GRM7: variants seen among roughly 807,000 people sequenced by gnomAD.
The protein encoded by GRM7 is glutamate metabotropic receptor 7, also known as metabotropic glutamate receptor 7.
GRM7 carries 35 observed loss-of-function variants against 84.5 expected under a neutral mutation model. The ratio of observed to expected loss-of-function variants is 0.41; its 90% CI spans 0.32 to 0.55. The LOEUF is 0.55. GRM7 is among the 20% of genes least tolerant of loss of function. The pLI, the probability that GRM7 is intolerant of heterozygous loss-of-function variation, is 0.19. For missense variants in GRM7, 1,003 were observed against 1,194.6 expected (o/e 0.84, Z 2.36); for synonymous variants, 487 against 455.1 (o/e 1.07, Z -0.89).
At chr3:6,997,555 A>T (rs901462586) in intron 1 of GRM7, among the ~76,000 whole-genome samples, 3 of 152,176 alleles carry the variant, frequency 2.0e-5, no homozygotes, top group African/African-American at 7.2e-5. Context: ...CATGGAGGTA[A>T]CTGCCCCCAT....
At chr3:7,196,981 T>C (rs1353888062) in intron 2 of GRM7, among the ~76,000 whole-genome samples, 1 of 152,250 alleles carries the variant, frequency 6.6e-6, no homozygotes, top group African/African-American at 2.4e-5. Flanking sequence ...TGAAACACTT[T>C]AATAGATGGT....
intron 2 of GRM7, among the ~76,000 whole-genome samples, chr3:7,225,881 T>A (rs1431752412): frequency 6.6e-6 from 1 of 152,128 alleles, no homozygotes; most frequent in East Asian, 1.9e-4. Flanking sequence ...CCACTTATAA[T>A]GACTTTTGAT....
At chr3:7,291,895 A>G (rs1699642797) in intron 2 of GRM7, among the ~76,000 whole-genome samples, 1 of 152,182 alleles carries the variant, frequency 6.6e-6, no homozygotes, top group Admixed American at 6.5e-5. Flanking sequence ...TAACTGAATC[A>G]TGGGGGCAGT....
intron 1 of GRM7, among the ~76,000 whole-genome samples, chr3:6,901,381 T>C (rs1243170594): frequency 6.6e-6 from 1 of 150,824 alleles, no homozygotes; most frequent in Non-Finnish European, 1.5e-5. Context: ...GGGTGGATCA[T>C]GAGGTCAAGA....
chr3:6,870,511 G>A (rs185877594), intron 1 of GRM7, among the ~76,000 whole-genome samples: 1 of 152,284 alleles, frequency 6.6e-6, no homozygotes, highest in African/African-American at 2.4e-5. Flanking sequence ...GCCATCGCAG[G>A]CATTTTGTCA....
intron 2 of GRM7, among the ~76,000 whole-genome samples, chr3:7,195,586 AGT>A (rs1011806726): frequency 6.6e-6 from 1 of 152,138 alleles, no homozygotes; most frequent in African/African-American, 2.4e-5. Flanking sequence ...TGGCTTCAAA[AGT>A]GTTTTATTTT....
At chr3:7,021,625 T>C (rs1010697793) in intron 1 of GRM7, among the ~76,000 whole-genome samples, 3 of 152,232 alleles carry the variant, frequency 2.0e-5, no homozygotes, top group African/African-American at 7.2e-5. Flanking sequence ...AGAGCAAACC[T>C]TGCCTTAAAC....
chr3:7,698,127 G>C (rs748793578), intron 9 of GRM7, among the ~76,000 whole-genome samples: 2 of 152,172 alleles, frequency 1.3e-5, no homozygotes, highest in Non-Finnish European at 2.9e-5. Context: ...CTCTTTGCCA[G>C]GCATTATACA....
chr3:7,434,996 T>C lies in GRM7; in HGVS notation c.1175-17611T>C, dbSNP rs1196440466. 2.0e-5 allele frequency among the ~76,000 whole-genome samples: 3 copies of C among 152,096 alleles called. No individual in the cohort carries two copies. In the East Asian group the frequency reaches 5.8e-4, roughly 29 times the overall value. On this transcript the variant is annotated intron_variant, in intron 5 of 9. Coordinates refer to ENST00000357716, the MANE Select transcript of GRM7 (RefSeq NM_000844.4). ...TTAACATATACAAGGACATTCAGAG[T>C]ATATATTAGTTCTTAAGTGAGCTTT...
intron 3 of GRM7, among the ~76,000 whole-genome samples, chr3:7,300,155 C>G (rs1383881623): frequency 6.6e-6 from 1 of 152,096 alleles, no homozygotes; most frequent in Non-Finnish European, 1.5e-5. Context: ...AAATCTTTGT[C>G]TATCTTATAG....
intron 4 of GRM7, among the ~76,000 whole-genome samples, chr3:7,370,513 C>T (rs80223453): frequency 9.2e-5 from 14 of 152,262 alleles, no homozygotes; most frequent in African/African-American, 3.4e-4. Context: ...GAGTCCTCCA[C>T]AGCCATGCGG....
At chr3:7,535,358 A>G (rs1447697424) in intron 7 of GRM7, 2 of 152,236 alleles carry the variant, frequency 1.3e-5, no homozygotes, top group African/African-American at 4.8e-5. Context: ...AATAATGAAC[A>G]TTAGGAAGAT....
chr3:6,945,895 C>A (rs1575049120), intron 1 of GRM7, among the ~76,000 whole-genome samples: 1 of 152,222 alleles, frequency 6.6e-6, no homozygotes, highest in Non-Finnish European at 1.5e-5. Context: ...CCTTCACCCA[C>A]TTTTTGGTGG....
chr3:7,677,271 A>AAAAAC (rs1559481608), intron 8 of GRM7, among the ~76,000 whole-genome samples: 11 of 129,280 alleles, frequency 8.5e-5, no homozygotes, highest in African/African-American at 1.9e-4. Context: ...TTAAAAAAAA[A>AAAAAC]AAAAAAAAAA....
chr3:7,708,789 C>A (rs961265576), intron 9 of GRM7, among the ~76,000 whole-genome samples: 1 of 151,640 alleles, frequency 6.6e-6, no homozygotes, highest in Non-Finnish European at 1.5e-5. Context: ...GAAGTACCTC[C>A]GATGAGATGT....
At chr3:7,308,068 G>A (rs17697287) in intron 4 of GRM7, among the ~76,000 whole-genome samples, 55,522 of 152,024 alleles carry the variant, frequency 0.37, 10,973 homozygotes, top group Middle Eastern at 0.48. Flanking sequence ...GGGAAATGAA[G>A]GAACAGGACA....
At chr3:7,575,784 A>G (rs927437974) in intron 7 of GRM7, among the ~76,000 whole-genome samples, 1 of 152,220 alleles carries the variant, frequency 6.6e-6, no homozygotes, top group Non-Finnish European at 1.5e-5. Context: ...TTAAACGAAA[A>G]TTGAAAACAA....
At position 7,473,525 on chromosome 3, in the gene GRM7, AGAGAG is replaced by A. The variant is rs1371997523; in HGVS notation, c.1515+11804_1515+11808del. ...GAGAGAGAGAGAGAGAGAGAGAGAG[AGAGAG>A]AAACACCTTGACAGAGTTTTTGTAA... On this transcript the variant is annotated intron_variant, in intron 7 of 9. Transcript: ENST00000357716. 1.7e-4 allele frequency among the ~76,000 whole-genome samples: 26 copies of A among 151,606 alleles called. No individual in the cohort carries two copies. In the East Asian group the frequency reaches 2.5e-3, roughly 15 times the overall value.
At chr3:6,966,929 C>T (rs1032071227) in intron 1 of GRM7, among the ~76,000 whole-genome samples, 6 of 152,074 alleles carry the variant, frequency 3.9e-5, no homozygotes, top group Admixed American at 3.9e-4. Flanking sequence ...TCAGGTATCT[C>T]TCCTATAAGG....
Sources: allele counts gnomAD v4.1 joint callset (sites outside exome capture counted in the v4.1 genomes callset), GRCh38; gene constraint gnomAD v4.1.1; transcripts MANE v1.5; gene names NCBI Gene and HGNC (gene_info 2026-07-23, HGNC 2026-07-21).